The following NLGN1 variants were observed in gnomAD, a reference collection of about 807,000 sequenced individuals.
NLGN1 encodes the protein neuroligin 1, also known as neuroligin-1.
Under a neutral mutation model 65.5 loss-of-function variants are expected in NLGN1, and 12 were observed. The observed-to-expected ratio is 0.18, with a 90% CI of 0.12 to 0.30. The LOEUF (loss-of-function observed/expected upper bound fraction) is 0.30, where lower values mean the gene tolerates loss of function less well. NLGN1 is among the 10% of genes least tolerant of loss of function. NLGN1 has a pLI of 1.00. For synonymous variants in NLGN1, 350 were observed against 359.5 expected, an observed-to-expected ratio of 0.97 and a Z score of 0.30; for missense variants, 750 against 1,007.1, an observed-to-expected ratio of 0.74 and a Z score of 3.46.
At chr3:173,642,671 T>TAA (rs1473000857) in intron 3 of NLGN1, among the ~76,000 whole-genome samples, 3 of 152,162 alleles carry the variant, frequency 2.0e-5, no homozygotes, top group Non-Finnish European at 4.4e-5. Context: ...TAACACTTCT[T>TAA]AAAGCAAGAT....
chr3:173,850,480 T>G (rs554813105), intron 4 of NLGN1, among the ~76,000 whole-genome samples: 54 of 152,274 alleles, frequency 3.5e-4, no homozygotes, highest in Non-Finnish European at 7.6e-4. Flanking sequence ...TACATTTAGC[T>G]TCTTCTAGTA....
chr3:174,119,196 A>G (rs1022170761), intron 4 of NLGN1, among the ~76,000 whole-genome samples: 10 of 152,184 alleles, frequency 6.6e-5, no homozygotes, highest in African/African-American at 2.4e-4. Context: ...CCCATGATTC[A>G]TCCTTTCAGA....
At chr3:173,786,762 A>T (rs1007345162) in intron 3 of NLGN1, among the ~76,000 whole-genome samples, 2 of 152,192 alleles carry the variant, frequency 1.3e-5, no homozygotes, top group African/African-American at 4.8e-5. Flanking sequence ...AAGGAAATAT[A>T]TATAGGAATG....
chr3:174,277,451 T>C (rs1182251109), intron 5 of NLGN1, among the ~76,000 whole-genome samples: 2 of 151,958 alleles, frequency 1.3e-5, no homozygotes, highest in Non-Finnish European at 2.9e-5. Context: ...TCTTTTTCGG[T>C]ATATTTAGTT....
intron 3 of NLGN1, among the ~76,000 whole-genome samples, chr3:173,628,899 G>C (rs1369939069): frequency 6.6e-6 from 1 of 151,790 alleles, no homozygotes; most frequent in Non-Finnish European, 1.5e-5. Context: ...TCACCATGTT[G>C]GCCAGGCTGG....
At chr3:173,576,731 A>G (rs1420918766) in intron 2 of NLGN1, among the ~76,000 whole-genome samples, 1 of 152,118 alleles carries the variant, frequency 6.6e-6, no homozygotes, top group African/African-American at 2.4e-5. Flanking sequence ...CACATTTGCA[A>G]AGTCTCTTTT....
chr3:174,238,334 T>A (rs975578851), intron 4 of NLGN1, among the ~76,000 whole-genome samples: 49 of 150,052 alleles, frequency 3.3e-4, no homozygotes, highest in African/African-American at 1.1e-3. Flanking sequence ...TATTTTTTTT[T>A]ATCATTTCTT....
chr3:173,942,443 C>T (rs1213842447), intron 4 of NLGN1, among the ~76,000 whole-genome samples: 1 of 152,058 alleles, frequency 6.6e-6, no homozygotes, highest in Admixed American at 6.6e-5. Context: ...AGGATGAAAA[C>T]GAGGTACCTC....
intron 4 of NLGN1, among the ~76,000 whole-genome samples, chr3:174,116,973 C>CA (rs1274829958): frequency 3.3e-5 from 5 of 151,966 alleles, no homozygotes; most frequent in African/African-American, 1.2e-4. Context: ...ACATAGGGTT[C>CA]AAAGCATTGT....
At chr3:174,008,825 T>TAA (rs5854546) in intron 4 of NLGN1, among the ~76,000 whole-genome samples, 4,380 of 151,312 alleles carry the variant, frequency 0.029, 104 homozygotes, top group Non-Finnish European at 0.042. Flanking sequence ...GGAAAGAGAT[T>TAA]AAAAAAAAAT....
At chr3:174,254,277 T>C (rs1218384152) in intron 4 of NLGN1, among the ~76,000 whole-genome samples, 1 of 151,670 alleles carries the variant, frequency 6.6e-6, no homozygotes, top group Non-Finnish European at 1.5e-5. Context: ...AAAGTACTGA[T>C]TGTGATTTCT....
chr3:173,403,922 C>T (rs79277003), intron 1 of NLGN1, among the ~76,000 whole-genome samples: 2,582 of 151,976 alleles, frequency 0.017, 80 homozygotes, highest in African/African-American at 0.058. Flanking sequence ...GGAAATTAGA[C>T]GATACTGTGT....
chr3:173,534,962 T>C (rs1349287771), intron 2 of NLGN1, among the ~76,000 whole-genome samples: 2 of 152,250 alleles, frequency 1.3e-5, no homozygotes, highest in Non-Finnish European at 2.9e-5. Context: ...GCAGCTGTTA[T>C]GTTCTTTGCA....
chr3:174,215,594 G>C (rs987737915), intron 4 of NLGN1, among the ~76,000 whole-genome samples: 3 of 152,118 alleles, frequency 2.0e-5, no homozygotes, highest in African/African-American at 7.2e-5. Context: ...GAAGATATTC[G>C]AGTGATGATT....
At chr3:174,208,700 A>G (rs1045389092) in intron 4 of NLGN1, among the ~76,000 whole-genome samples, 3 of 152,070 alleles carry the variant, frequency 2.0e-5, no homozygotes, top group Admixed American at 6.5e-5. Context: ...TAATTTATCA[A>G]TCATGAGGCC....
At chr3:173,647,967 T>C (rs1365516438) in intron 3 of NLGN1, among the ~76,000 whole-genome samples, 1 of 152,126 alleles carries the variant, frequency 6.6e-6, no homozygotes, top group Non-Finnish European at 1.5e-5. Flanking sequence ...ATCAGTTCTC[T>C]CCCATTAATC....
intron 4 of NLGN1, among the ~76,000 whole-genome samples, chr3:173,865,330 G>A (rs1408823687): frequency 6.6e-6 from 1 of 151,692 alleles, no homozygotes; most frequent in African/African-American, 2.4e-5. Context: ...GATTACATAT[G>A]TACTGTCATT....
At chr3:174,278,467 A>G (rs1046755888) in intron 5 of NLGN1, among the ~76,000 whole-genome samples, 3 of 152,004 alleles carry the variant, frequency 2.0e-5, no homozygotes, top group Admixed American at 2.0e-4. Flanking sequence ...TATTCCAAAC[A>G]GACAATGTAG....
chr3:173,561,374 A>G lies in NLGN1; in HGVS notation c.-320-42905A>G, dbSNP rs532923198. On this transcript the variant is annotated intron_variant, in intron 2 of 6. Coordinates refer to ENST00000457714, the Ensembl canonical transcript of NLGN1. ...CTTCTAGCGTCTGCCTCCTCCCTTC[A>G]ACATCTTTCTGCCTTTTGTTTCCAA... Among the ~76,000 whole-genome samples, 408 of 152,214 alleles carry G rather than the reference A, an allele frequency of 2.7e-3. 3 individuals are homozygous for G. Among genetic ancestry groups the G allele is most frequent in the South Asian group, 4.8e-3 (23 of 4,828 alleles).
Sources: gnomAD v4.1 joint callset for allele counts (sites outside exome capture counted in the v4.1 genomes callset) on GRCh38, gnomAD v4.1.1 for gene constraint, MANE v1.5 for transcripts, NCBI Gene and HGNC (gene_info 2026-07-23, HGNC 2026-07-21) for gene names.